The following ADK variants were observed in gnomAD, a reference collection of about 807,000 sequenced individuals.
ADK encodes the protein N6,N6-dimethyladenosine kinase.
ADK carries 24 observed loss-of-function variants against 44.7 expected under a neutral mutation model. The observed-to-expected ratio is 0.54, with a 90% confidence interval of 0.39 to 0.76. The LOEUF (loss-of-function observed/expected upper bound fraction) is 0.76. ADK is among the 30% of genes least tolerant of loss of function. The pLI, the probability that ADK is intolerant of heterozygous loss-of-function variation, is 0.00. For synonymous variants in ADK, 128 were observed against 142.6 expected (o/e 0.90, Z 0.73); for missense variants, 321 against 425.1 (o/e 0.76, Z 2.15).
Position 74,200,855 on chromosome 10 carries a change from T to C in ADK, c.140+17T>C, listed in dbSNP as rs370745346. ...CCTTGATAAGTAAGTATTAAACTCT[T>C]CATATGCACTATGTGGAACTTACAT... On this transcript the variant is annotated intron_variant, in intron 2 of 10. Transcript: ENST00000539909. 2 of 1,480,240 alleles carry C rather than the reference T, an allele frequency of 1.4e-6. No individual in the cohort carries two copies. The highest frequency in any genetic ancestry group is 2.8e-5 in the African/African-American group (2 of 72,272). 91.7% of individuals were successfully genotyped at this position (1,480,240 alleles called of 1,614,324 possible). A position where few individuals can be genotyped will look rare whatever the true frequency, so the allele number is the denominator to read the frequency against.
At chr10:74,533,373 A>G (rs1225707793) in intron 7 of ADK, among the ~76,000 whole-genome samples, 2 of 152,232 alleles carry the variant, frequency 1.3e-5, no homozygotes, top group Non-Finnish European at 2.9e-5. Context: ...AGACCTTTAC[A>G]TGATTTGAAG....
At chr10:74,338,746 A>C (rs919400264) in intron 4 of ADK, among the ~76,000 whole-genome samples, 8 of 152,338 alleles carry the variant, frequency 5.3e-5, no homozygotes, top group South Asian at 2.1e-4. Context: ...TTAACCTGTC[A>C]TTCCAGGAGT....
At chr10:74,466,565 C>T (rs753356374) in intron 6 of ADK, among the ~76,000 whole-genome samples, 29 of 152,218 alleles carry the variant, frequency 1.9e-4, no homozygotes, top group Non-Finnish European at 2.8e-4. Flanking sequence ...ATTACTCTGG[C>T]GTTTTACTAG....
At chr10:74,567,071 AG>A (rs1850696710) in intron 7 of ADK, among the ~76,000 whole-genome samples, 1 of 152,202 alleles carries the variant, frequency 6.6e-6, no homozygotes, top group African/African-American at 2.4e-5. Flanking sequence ...AAGTCACACT[AG>A]GGGTAAAGTA....
chr10:74,206,111 TA>T (rs1444921509), intron 2 of ADK, among the ~76,000 whole-genome samples: 1 of 152,130 alleles, frequency 6.6e-6, no homozygotes, highest in Admixed American at 6.5e-5. Context: ...GTCACTATTT[TA>T]AAAAAATCAT....
At chr10:74,219,736 C>A (rs1322737002) in intron 2 of ADK, among the ~76,000 whole-genome samples, 1 of 150,954 alleles carries the variant, frequency 6.6e-6, no homozygotes, top group Non-Finnish European at 1.5e-5. Flanking sequence ...CGCTCAACTA[C>A]ATGGAAACTG....
intron 7 of ADK, chr10:74,527,783 T>C (rs1318113619): frequency 6.4e-7 from 1 of 1,570,036 alleles, no homozygotes; most frequent in Non-Finnish European, 8.8e-7. Flanking sequence ...GAGAGAAACC[T>C]GACATGTGGG....
In ADK at chr10:74,480,226, C is replaced by CTTTCTTTCT. The variant is rs1554865927; in HGVS notation, c.556-45027_556-45026insCTTTCTTTT. On this transcript the variant is annotated intron_variant, in intron 6 of 10. Transcript: ENST00000539909. ...CCTAATTTTCTTTCTTTCTTTCTTTCTTTTTTTTTTTTTTTAAAGAGACAG... is the reference window on the plus strand; with the variant it reads ...CCTAATTTTCTTTCTTTCTTTCTTTCTTTCTTTCTTTTTTTTTTTTTTTTAAAGAGACAG... Among the ~76,000 whole-genome samples the CTTTCTTTCT allele has an allele frequency of 9.9e-4, 132 of 133,120 alleles. 1 individual carries two copies. The highest frequency in any genetic ancestry group is 4.0e-3 in the African/African-American group (124 of 30,880). 87.3% of individuals were successfully genotyped at this position (133,120 alleles called of 152,430 possible). A position where few individuals can be genotyped will look rare whatever the true frequency, so the allele number is the denominator to read the frequency against.
intron 4 of ADK, among the ~76,000 whole-genome samples, chr10:74,388,314 C>T (rs1843214985): frequency 6.6e-6 from 1 of 152,220 alleles, no homozygotes; most frequent in Non-Finnish European, 1.5e-5. Context: ...GTTTTTCTCA[C>T]ACCCACATAC....
rs969386884 is a variant in ADK, at chr10:74,482,682, C to T, written c.556-42574C>T. On this transcript the variant is annotated intron_variant, in intron 6 of 10. Coordinates refer to ENST00000539909, the MANE Select transcript of ADK (RefSeq NM_006721.4). Reference sequence around the variant, plus strand: ...TTCCATGATACAATGGAGATACAGGCATTGGGTAAATCCCTGTTCCAAAAG... The same window carrying T: ...TTCCATGATACAATGGAGATACAGGTATTGGGTAAATCCCTGTTCCAAAAG... 2.0e-5 allele frequency among the ~76,000 whole-genome samples: 3 copies of T among 152,208 alleles called. No homozygotes were observed. The South Asian group carries it at 6.2e-4, about 31-fold the overall frequency.
In ADK at chr10:74,513,673, A is replaced by T. The variant is rs574571131; in HGVS notation, c.556-11583A>T. Among the ~76,000 whole-genome samples the T allele has an allele frequency of 7.2e-5, 11 of 152,230 alleles. No individual in the cohort carries two copies. In the East Asian group the frequency reaches 7.7e-4, roughly 11 times the overall value. On this transcript the variant is annotated intron_variant, in intron 6 of 10. Transcript: ENST00000539909. ...GCATATAATTGGGTCTTGTTTTTTT[A>T]AAATCCATTCAGCTAGTATGTATCT...
intron 10 of ADK, among the ~76,000 whole-genome samples, chr10:74,672,018 A>G (rs990885361): frequency 6.6e-6 from 1 of 152,228 alleles, no homozygotes; most frequent in African/African-American, 2.4e-5. Context: ...TGAGGTAGGA[A>G]CAGCTAGCTA....
chr10:74,280,951 A>C (rs1292462341), intron 3 of ADK, among the ~76,000 whole-genome samples: 1 of 152,200 alleles, frequency 6.6e-6, no homozygotes, highest in Non-Finnish European at 1.5e-5. Flanking sequence ...AATCAAGTTG[A>C]GATATTAAGG....
intron 6 of ADK, among the ~76,000 whole-genome samples, chr10:74,404,724 C>T (rs1843848150): frequency 6.6e-6 from 1 of 152,158 alleles, no homozygotes; most frequent in South Asian, 2.1e-4. Context: ...CGGTGGCTCA[C>T]ACCTGTAATC....
intron 5 of ADK, among the ~76,000 whole-genome samples, chr10:74,396,152 A>G (rs1183464049): frequency 6.6e-6 from 1 of 152,224 alleles, no homozygotes; most frequent in Admixed American, 6.5e-5. Flanking sequence ...AATCTTCAGT[A>G]TCTAAATCAT....
intron 10 of ADK, among the ~76,000 whole-genome samples, chr10:74,702,723 C>G (rs1229071211): frequency 6.6e-6 from 1 of 151,882 alleles, no homozygotes; most frequent in African/African-American, 2.4e-5. Flanking sequence ...CTCAGCCTCC[C>G]AAGTAGCTGG....
At chr10:74,483,725 C>A (rs1411283654) in intron 6 of ADK, among the ~76,000 whole-genome samples, 1 of 152,178 alleles carries the variant, frequency 6.6e-6, no homozygotes, top group East Asian at 1.9e-4. Context: ...TACCATAAAT[C>A]ATCTCTCTCA....
At chr10:74,501,140 T>C (rs16931468) in intron 6 of ADK, among the ~76,000 whole-genome samples, 4,532 of 152,188 alleles carry the variant, frequency 0.03, 194 homozygotes, top group African/African-American at 0.091. Context: ...CAGAAAAAAA[T>C]CATTGCATTT....
At chr10:74,371,855 C>T in intron 4 of ADK, 1 of 1,365,664 alleles carries the variant, frequency 7.3e-7, no homozygotes, top group East Asian at 2.3e-5. Flanking sequence ...CTCCTGGAAC[C>T]TTCACTAACC....
Sources: gnomAD v4.1 joint callset for allele counts (sites outside exome capture counted in the v4.1 genomes callset) on GRCh38, gnomAD v4.1.1 for gene constraint, MANE v1.5 for transcripts, NCBI Gene and HGNC (gene_info 2026-07-23, HGNC 2026-07-21) for gene names.